Variants in RGS6 observed in about 807,000 individuals in gnomAD.
The protein encoded by RGS6 is regulator of G protein signaling 6.
RGS6 carries 30 observed loss-of-function variants against 78.5 expected under a neutral mutation model. That is an observed-to-expected ratio of 0.38 (90% CI 0.29 to 0.52). RGS6 has a LOEUF of 0.52. Ranked by LOEUF, RGS6 falls within the 20% of genes least tolerant of loss-of-function variation. The pLI is 0.85. For missense variants in RGS6, 495 were observed against 609.7 expected, an observed-to-expected ratio of 0.81 and a Z score of 1.98; for synonymous variants, 206 against 206.0, an observed-to-expected ratio of 1.00 and a Z score of 0.00.
At chr14:72,582,833 G>C in the RGS6 span, among the ~76,000 whole-genome samples, 8 of 152,000 alleles carry the variant, frequency 5.3e-5, no homozygotes, top group African/African-American at 1.9e-4. Flanking sequence ...TTGATTTTAG[G>C]TGTCAACTTG....
At chr14:72,519,972 T>C (rs530694816) in intron 15 of RGS6, among the ~76,000 whole-genome samples, 1 of 152,278 alleles carries the variant, frequency 6.6e-6, no homozygotes, top group African/African-American at 2.4e-5. Context: ...CTTTTAACAC[T>C]TGGAAAAGTG....
chr14:71,938,649 T>C (rs569690667), intron 1 of RGS6, among the ~76,000 whole-genome samples: 1 of 152,306 alleles, frequency 6.6e-6, no homozygotes, highest in South Asian at 2.1e-4. Flanking sequence ...AACTTACTTG[T>C]GCCTTCAGGA....
At chr14:71,879,167 A>C in the RGS6 span, among the ~76,000 whole-genome samples, 2 of 152,238 alleles carry the variant, frequency 1.3e-5, no homozygotes, top group African/African-American at 4.8e-5. Context: ...AAAAAACTCA[A>C]TATGGATTTA....
chr14:71,876,473 C>CTTTTTTT, the RGS6 span, among the ~76,000 whole-genome samples: 5 of 72,468 alleles, frequency 6.9e-5, no homozygotes, highest in Non-Finnish European at 9.9e-5. Context: ...GCAACCGCTG[C>CTTTTTTT]TTTTTTTTTT....
chr14:72,349,521 A>G (rs967979095), intron 2 of RGS6, among the ~76,000 whole-genome samples: 1 of 152,204 alleles, frequency 6.6e-6, no homozygotes, highest in Non-Finnish European at 1.5e-5. Context: ...TGGGGGAGTC[A>G]GGAACTGGGG....
intron 2 of RGS6, among the ~76,000 whole-genome samples, chr14:72,119,835 A>G (rs2096003511): frequency 6.6e-6 from 1 of 152,242 alleles, no homozygotes; most frequent in African/African-American, 2.4e-5. Context: ...GAAGATTTCT[A>G]GAAGGATAGG....
At chr14:72,158,949 C>T (rs781657110) in intron 2 of RGS6, among the ~76,000 whole-genome samples, 27 of 152,282 alleles carry the variant, frequency 1.8e-4, no homozygotes, top group Non-Finnish European at 3.4e-4. Flanking sequence ...TGTGATTCTT[C>T]CTTCATCTGA....
chr14:72,628,641 AG>A, the RGS6 span, among the ~76,000 whole-genome samples: 1 of 151,752 alleles, frequency 6.6e-6, no homozygotes, highest in Non-Finnish European at 1.5e-5. Context: ...GCCAAAAGAG[AG>A]AGAGAGAGAG....
chr14:72,346,836 C>T (rs1259577222), intron 2 of RGS6, among the ~76,000 whole-genome samples: 2 of 152,196 alleles, frequency 1.3e-5, no homozygotes, highest in Non-Finnish European at 2.9e-5. Context: ...ATTGCTTCTC[C>T]TCACTCCTCT....
chr14:72,199,828 G>A (rs1405161314), intron 2 of RGS6, among the ~76,000 whole-genome samples: 6 of 152,168 alleles, frequency 3.9e-5, no homozygotes, highest in African/African-American at 1.2e-4. Flanking sequence ...ATGGCCCATG[G>A]ACCAAACACA....
At chr14:72,471,480 G>A (rs2153315433) in intron 8 of RGS6, among the ~76,000 whole-genome samples, 1 of 152,336 alleles carries the variant, frequency 6.6e-6, no homozygotes, top group Admixed American at 6.5e-5. Flanking sequence ...GTTTCCTCTG[G>A]GTACCACCTG....
At chr14:72,031,857 A>G (rs748571864) in intron 2 of RGS6, among the ~76,000 whole-genome samples, 1 of 152,206 alleles carries the variant, frequency 6.6e-6, no homozygotes, top group Non-Finnish European at 1.5e-5. Flanking sequence ...TTTTTAAATG[A>G]TTGGGATAAT....
chr14:72,297,430 T>TTA (rs1491549465), intron 2 of RGS6, among the ~76,000 whole-genome samples: 2 of 114,324 alleles, frequency 1.7e-5, no homozygotes, highest in South Asian at 2.4e-4. Context: ...ATTATTATTA[T>TTA]TTTTTTTTTA....
chr14:72,410,345 C>T lies in RGS6; in HGVS notation c.185-44183C>T, dbSNP rs1231936669. Among the ~76,000 whole-genome samples the T allele has an allele frequency of 2.6e-5, 4 of 152,206 alleles. No individual in the cohort carries two copies. The East Asian group carries it at 5.8e-4, about 22-fold the overall frequency. ...GATGATGAGCATTTTTTCATGTGTT[C>T]TTTGGCTGCATAAATGTCTTCTTTT... On this transcript the variant is annotated intron_variant, in intron 3 of 17. Transcript: ENST00000553525.
At chr14:72,492,299 A>G (rs548233268) in intron 12 of RGS6, among the ~76,000 whole-genome samples, 3 of 152,178 alleles carry the variant, frequency 2.0e-5, no homozygotes, top group Non-Finnish European at 2.9e-5. Flanking sequence ...TAGAAATGTG[A>G]TTGGACAAAA....
intron 1 of RGS6, among the ~76,000 whole-genome samples, chr14:71,952,300 A>G (rs1447801244): frequency 6.6e-6 from 1 of 152,104 alleles, no homozygotes; most frequent in Non-Finnish European, 1.5e-5. Context: ...GCCCCCTTAC[A>G]TTTAAAATTG....
In RGS6 at chr14:72,345,617, A is replaced by AGC. The variant is rs1566580486; in HGVS notation, c.85-6478_85-6477insGC. On this transcript the variant is annotated intron_variant, in intron 2 of 17. Coordinates refer to ENST00000553525, the MANE Select transcript of RGS6 (RefSeq NM_001204424.2). ...TCCAACCTCCTTGGAACCCATGCTTATCTTAGCTTCAGCCTCCAACACAGC... is the reference window on the plus strand; with the variant it reads ...TCCAACCTCCTTGGAACCCATGCTTAGCTCTTAGCTTCAGCCTCCAACACAGC... 3.3e-5 allele frequency among the ~76,000 whole-genome samples: 5 copies of AGC among 152,284 alleles called. No homozygotes were observed. In the East Asian group the frequency reaches 9.7e-4, roughly 29 times the overall value.
intron 3 of RGS6, among the ~76,000 whole-genome samples, chr14:72,374,292 A>G (rs2084158095): frequency 6.9e-6 from 1 of 145,360 alleles, no homozygotes; most frequent in Admixed American, 6.8e-5. Flanking sequence ...TCCTGTGTCC[A>G]TGTGTTCTCA....
chr14:72,004,828 AG>A, intron 2 of RGS6, among the ~76,000 whole-genome samples: 1 of 149,096 alleles, frequency 6.7e-6, no homozygotes, highest in South Asian at 2.2e-4. Context: ...CCTGTCTCAA[AG>A]TAAATAAATA....
Sources: allele counts gnomAD v4.1 joint callset (sites outside exome capture counted in the v4.1 genomes callset), GRCh38; gene constraint gnomAD v4.1.1; transcripts MANE v1.5; gene names NCBI Gene and HGNC (gene_info 2026-07-23, HGNC 2026-07-21).